Variants in COBLL1 observed in about 807,000 individuals in gnomAD.
The protein encoded by COBLL1 is cordon-bleu WH2 repeat protein like 1, also known as cordon-bleu protein-like 1.
Under a neutral mutation model 94.8 loss-of-function variants are expected in COBLL1, and 50 were observed. That is an observed-to-expected ratio of 0.53 (90% CI 0.42 to 0.67). COBLL1 has a LOEUF of 0.67. Among genes scored for constraint, COBLL1 ranks in the 30% least tolerant of loss-of-function variants. COBLL1 has a pLI of 0.00. For missense variants in COBLL1, 1,362 were observed against 1,348.7 expected, an observed-to-expected ratio of 1.01 and a Z score of -0.15; for synonymous variants, 448 against 473.8, an observed-to-expected ratio of 0.95 and a Z score of 0.71.
Position 164,743,887 on chromosome 2 carries a change from A to G in COBLL1, c.42-12T>C, listed in dbSNP as rs758426901. On this transcript the variant is annotated splice_polypyrimidine_tract_variant and intron_variant, in intron 2 of 13. Transcript: ENST00000652658. Reference sequence around the variant, plus strand: ...CTTTTGGTTTTCTCCTAAAATATAAAGAAAACACAAAAAATACAAAATATT... The same window carrying G: ...CTTTTGGTTTTCTCCTAAAATATAAGGAAAACACAAAAAATACAAAATATT... The G allele has an allele frequency of 2.7e-6, 4 of 1,504,448 alleles. No homozygotes were observed. Among genetic ancestry groups the G allele is most frequent in the Non-Finnish European group, 3.6e-6 (4 of 1,122,634 alleles). 93.2% of individuals were successfully genotyped at this position (1,504,448 alleles called of 1,614,324 possible).
intron 1 of COBLL1, among the ~76,000 whole-genome samples, chr2:164,672,036 T>C (rs954919333): frequency 1.3e-5 from 2 of 152,216 alleles, no homozygotes; most frequent in East Asian, 1.9e-4. Flanking sequence ...ATAAAATGTA[T>C]TGATAGAGGT....
rs1325995096 is a variant in COBLL1, at chr2:164,694,435, G to A, written c.2957C>T (p.Ser986Leu). 3 of 1,613,950 alleles carry A rather than the reference G, an allele frequency of 1.9e-6. No homozygotes were observed. The Admixed American group carries it at 5.0e-5, about 27-fold the overall frequency. Residue 986 changes from serine to leucine, a missense_variant, in exon 12 of 14, where the codon TCA (serine) becomes TTA (leucine). Physicochemically the swap from Ser to Leu is moderately radical, Grantham distance 145. Coordinates refer to ENST00000652658, the MANE Select transcript of COBLL1 (RefSeq NM_001365672.2). The stretch of plus-strand genomic sequence containing the variant: ...TTTCACTACAGCAAGAGCAAACGGT[G>A]AAGGACCAGAACTTGAGTATGGTCG... Reference protein sequence around the residue: ...APRPYSSSGPSPFALAVVKRS... With the variant: ...APRPYSSSGPLPFALAVVKRS...
In COBLL1 at chr2:164,777,592, T is replaced by C. The variant is rs141394805; in HGVS notation, c.42-33717A>G. 1.1e-4 allele frequency among the ~76,000 whole-genome samples: 16 copies of C among 152,260 alleles called. No individual in the cohort carries two copies. The East Asian group carries it at 3.1e-3, about 29-fold the overall frequency. On this transcript the variant is annotated intron_variant, in intron 2 of 13. Transcript: ENST00000652658. ...CAAGAATGCTCACAATGATCCTTCTTAGGGAAAATGAGAACACAATCTTCT... is the reference window on the plus strand; with the variant it reads ...CAAGAATGCTCACAATGATCCTTCTCAGGGAAAATGAGAACACAATCTTCT...
At chr2:164,816,247 T>C (rs1054187783) in intron 2 of COBLL1, among the ~76,000 whole-genome samples, 38 of 152,040 alleles carry the variant, frequency 2.5e-4, no homozygotes, top group Non-Finnish European at 8.8e-5. Context: ...AATTCCACAC[T>C]GAAGAAACAG....
In COBLL1 at chr2:164,716,130, T is replaced by G. The variant is rs533083022; in HGVS notation, c.996+5945A>C. Among the ~76,000 whole-genome samples, 6 of 152,288 alleles carry G rather than the reference T, an allele frequency of 3.9e-5. No individual in the cohort carries two copies. In the East Asian group the frequency reaches 9.6e-4, roughly 24 times the overall value. Reference sequence around the variant, plus strand: ...ATTAAATGTGCTCTTCATAAACTCTTGGTCAGCAGATACGGTGCAGAAACT... The same window carrying G: ...ATTAAATGTGCTCTTCATAAACTCTGGGTCAGCAGATACGGTGCAGAAACT... On this transcript the variant is annotated intron_variant, in intron 7 of 13. Coordinates refer to ENST00000652658, the MANE Select transcript of COBLL1 (RefSeq NM_001365672.2).
intron 9 of COBLL1, chr2:164,703,217 G>C (rs1684407440): frequency 6.2e-7 from 1 of 1,608,306 alleles, no homozygotes; most frequent in Non-Finnish European, 8.5e-7. Context: ...AGGGTGAAAG[G>C]TTTCTGCCAA....
intron 2 of COBLL1, among the ~76,000 whole-genome samples, chr2:164,828,868 T>C (rs1682915958): frequency 6.6e-6 from 1 of 152,208 alleles, no homozygotes. Flanking sequence ...TCCTAAAATA[T>C]TTAAAATTGC....
rs143173380 is a variant in COBLL1, at chr2:164,784,357, A to G, written c.42-40482T>C. 5.2e-3 allele frequency among the ~76,000 whole-genome samples: 786 copies of G among 152,228 alleles called. 19 individuals are homozygous for G. The highest frequency in any genetic ancestry group is 0.047 in the Admixed American group (723 of 15,276). On this transcript the variant is annotated intron_variant, in intron 2 of 13. Transcript: ENST00000652658. ...GGTCGTTTTATTATTCTATTTTTATATCTGCATTTTGTATCTCTAAATTTT... is the reference window on the plus strand; with the variant it reads ...GGTCGTTTTATTATTCTATTTTTATGTCTGCATTTTGTATCTCTAAATTTT...
chr2:164,708,220 T>C (rs1344515777), intron 7 of COBLL1, among the ~76,000 whole-genome samples: 1 of 152,166 alleles, frequency 6.6e-6, no homozygotes, highest in East Asian at 1.9e-4. Flanking sequence ...ATTACTCTGA[T>C]TCCTCCTCCA....
rs574696547 is a variant in COBLL1 at position 164,798,829 on chromosome 2, C to T, written c.41+42327G>A. Among the ~76,000 whole-genome samples, 13 of 151,872 alleles carry T rather than the reference C, an allele frequency of 8.6e-5. 1 individual carries two copies. In the East Asian group the frequency reaches 2.5e-3, roughly 30 times the overall value. Reference sequence around the variant, plus strand: ...GGTCAGGAGATCGAGACCACCCTGGCTAACACGGTGAAACCCCGTCTCTAC... The same window carrying T: ...GGTCAGGAGATCGAGACCACCCTGGTTAACACGGTGAAACCCCGTCTCTAC... On this transcript the variant is annotated intron_variant, in intron 2 of 13. Coordinates refer to ENST00000652658, the MANE Select transcript of COBLL1 (RefSeq NM_001365672.2).
At chr2:164,709,405 T>G (rs1574450651) in intron 7 of COBLL1, among the ~76,000 whole-genome samples, 2 of 152,048 alleles carry the variant, frequency 1.3e-5, no homozygotes, top group Admixed American at 6.6e-5. Flanking sequence ...AAGCTGAAAT[T>G]TGAATTAAAG....
intron 12 of COBLL1, chr2:164,692,767 T>G (rs1395142303): frequency 6.3e-6 from 1 of 157,944 alleles, no homozygotes; most frequent in East Asian, 1.9e-4. Flanking sequence ...ATGACCCATT[T>G]TCATGGTTTC....
chr2:164,766,970 C>T (rs1687962118), intron 2 of COBLL1, among the ~76,000 whole-genome samples: 1 of 152,138 alleles, frequency 6.6e-6, no homozygotes, highest in Admixed American at 6.5e-5. Flanking sequence ...TTGAGCCATT[C>T]TTCCTTCAAT....
chr2:164,662,628 G>T (rs1034438845), intron 2 of COBLL1, among the ~76,000 whole-genome samples: 28 of 152,126 alleles, frequency 1.8e-4, no homozygotes, highest in African/African-American at 6.8e-4. Context: ...GAGATGTTTG[G>T]ATCATGGGAG....
At chr2:164,791,501 T>C (rs938023604) in intron 2 of COBLL1, among the ~76,000 whole-genome samples, 1 of 152,066 alleles carries the variant, frequency 6.6e-6, no homozygotes, top group Non-Finnish European at 1.5e-5. Context: ...CAGACAGATA[T>C]ATACATACCT....
chr2:164,794,811 C>T (rs1282055709), intron 2 of COBLL1, among the ~76,000 whole-genome samples: 12 of 152,200 alleles, frequency 7.9e-5, no homozygotes. Context: ...AGAATGCCTT[C>T]ATGTTCTTCT....
At chr2:164,741,045 G>A (rs1053516917) in intron 3 of COBLL1, among the ~76,000 whole-genome samples, 1 of 152,120 alleles carries the variant, frequency 6.6e-6, no homozygotes, top group Non-Finnish European at 1.5e-5. Flanking sequence ...GGAGGCTGAG[G>A]TGGGTGGATC....
chr2:164,833,672 G>A (rs1406965762), intron 2 of COBLL1, among the ~76,000 whole-genome samples: 1 of 151,838 alleles, frequency 6.6e-6, no homozygotes, highest in East Asian at 1.9e-4. Flanking sequence ...GGATGGTCTC[G>A]ATCTCCTGAC....
At chr2:164,788,615 C>T (rs547280387) in intron 2 of COBLL1, among the ~76,000 whole-genome samples, 1 of 152,154 alleles carries the variant, frequency 6.6e-6, no homozygotes, top group East Asian at 1.9e-4. Context: ...AAGGAAAAGC[C>T]TAAAATTGAG....
Sources: allele counts gnomAD v4.1 joint callset (sites outside exome capture counted in the v4.1 genomes callset), GRCh38; gene constraint gnomAD v4.1.1; transcripts MANE v1.5; gene names NCBI Gene and HGNC (gene_info 2026-07-23, HGNC 2026-07-21).